Variants in TMED3 observed in about 807,000 individuals in gnomAD.
TMED3 encodes transmembrane emp24 domain-containing protein 3.
In TMED3, 9 loss-of-function variants were observed where a neutral mutation model predicts 15.0. The ratio of observed to expected loss-of-function variants is 0.60; its 90% confidence interval spans 0.36 to 1.04. The LOEUF (loss-of-function observed/expected upper bound fraction) is 1.04. Ranked by LOEUF, TMED3 falls within the 50% of genes least tolerant of loss-of-function variation. The pLI is 0.01. For missense variants in TMED3, 267 were observed against 278.9 expected (o/e 0.96, Z 0.30); for synonymous variants, 117 against 121.4 (o/e 0.96, Z 0.24).
downstream of TMED3, among the ~76,000 whole-genome samples, chr15:79,326,200 C>G (rs964502717): frequency 4.6e-5 from 7 of 152,188 alleles, no homozygotes; most frequent in Middle Eastern, 3.4e-3. Context: ...TAAAACAGCT[C>G]GAAGACACTG....
chr15:79,350,951 G>A (rs2058889181), intron 2 of TMED3, among the ~76,000 whole-genome samples: 1 of 152,154 alleles, frequency 6.6e-6, no homozygotes, highest in South Asian at 2.1e-4. Context: ...CAGGCACCTG[G>A]TCAAATTAGA....
At chr15:79,411,159 C>T (rs976613424) in intron 2 of TMED3, among the ~76,000 whole-genome samples, 4 of 152,154 alleles carry the variant, frequency 2.6e-5, no homozygotes, top group Admixed American at 2.6e-4. Flanking sequence ...AGGGGAAAAA[C>T]AGGAACTAGA....
downstream of TMED3, among the ~76,000 whole-genome samples, chr15:79,323,960 A>G (rs552398730): frequency 1.2e-4 from 19 of 152,348 alleles, no homozygotes; most frequent in African/African-American, 4.6e-4. Context: ...TTAGGTACTA[A>G]TAACAGTTGA....
At chr15:79,350,017 T>G (rs2058885887) in intron 2 of TMED3, among the ~76,000 whole-genome samples, 1 of 152,180 alleles carries the variant, frequency 6.6e-6, no homozygotes, top group Non-Finnish European at 1.5e-5. Flanking sequence ...TTCCTTCCAG[T>G]AGAACATAAA....
chr15:79,334,072 A>G (rs888789590), intron 2 of TMED3, among the ~76,000 whole-genome samples: 3 of 152,220 alleles, frequency 2.0e-5, no homozygotes, highest in African/African-American at 7.2e-5. Context: ...TAGAACTAAT[A>G]GCTTAAGAGT....
At chr15:79,314,790 A>C (rs1321691946) in intron 2 of TMED3, 1 of 268,082 alleles carries the variant, frequency 3.7e-6, no homozygotes, top group African/African-American at 2.2e-5. Context: ...ATGGCTGTCA[A>C]GGTTCATTAT....
chr15:79,360,412 T>C (rs557980162), intron 2 of TMED3, among the ~76,000 whole-genome samples: 1 of 152,342 alleles, frequency 6.6e-6, no homozygotes, highest in Admixed American at 6.5e-5. Flanking sequence ...GTCACATAGC[T>C]ACTGTCTTCT....
chr15:79,317,009 C>A (rs1303464803), intron 2 of TMED3, among the ~76,000 whole-genome samples: 1 of 151,970 alleles, frequency 6.6e-6, no homozygotes, highest in African/African-American at 2.4e-5. Context: ...AGCTGTGATT[C>A]TTGGGGATGA....
chr15:79,370,256 ATTTTTTTTTTTTT>A (rs398028085), intron 2 of TMED3, among the ~76,000 whole-genome samples: 1 of 104,950 alleles, frequency 9.5e-6, no homozygotes, highest in Admixed American at 1.2e-4. Flanking sequence ...TGCCCAGCTA[ATTTTTTTTTTTTT>A]TTTTTTTTTT....
intron 2 of TMED3, chr15:79,383,128 T>C: frequency 9.2e-7 from 1 of 1,088,514 alleles, no homozygotes; most frequent in Admixed American, 2.0e-5. Context: ...TTTACTGCCA[T>C]GGTGCACTTC....
chr15:79,314,993 C>A (rs1408836921), intron 2 of TMED3, among the ~76,000 whole-genome samples: 4 of 152,148 alleles, frequency 2.6e-5, no homozygotes, highest in African/African-American at 9.7e-5. Flanking sequence ...CTGTCAGGGC[C>A]CAGGGAAACC....
chr15:79,389,081 C>G (rs1567038549), intron 2 of TMED3, among the ~76,000 whole-genome samples: 1 of 152,150 alleles, frequency 6.6e-6, no homozygotes, highest in South Asian at 2.1e-4. Flanking sequence ...TGTGCAAAAG[C>G]TATTTAGTTT....
At chr15:79,397,128 C>G (rs1275720410) in intron 2 of TMED3, among the ~76,000 whole-genome samples, 1 of 152,202 alleles carries the variant, frequency 6.6e-6, no homozygotes, top group Non-Finnish European at 1.5e-5. Context: ...CTTAGCACCT[C>G]TCAACTCACT....
intron 2 of TMED3, among the ~76,000 whole-genome samples, chr15:79,332,058 T>C (rs1228961957): frequency 7.9e-6 from 1 of 126,736 alleles, no homozygotes; most frequent in African/African-American, 2.9e-5. Flanking sequence ...GTCTCAAAAA[T>C]AAATAAATAC....
At chr15:79,350,651 G>T (rs1159742023) in intron 2 of TMED3, among the ~76,000 whole-genome samples, 2 of 152,126 alleles carry the variant, frequency 1.3e-5, no homozygotes, top group African/African-American at 2.4e-5. Flanking sequence ...GCCTGTCCCA[G>T]TTCACAGACT....
intron 2 of TMED3, among the ~76,000 whole-genome samples, chr15:79,367,346 C>T (rs1437807281): frequency 6.6e-6 from 1 of 152,220 alleles, no homozygotes; most frequent in Non-Finnish European, 1.5e-5. Context: ...CAGCGATCCA[C>T]ACTGGGTTTG....
At position 79,389,878 on chromosome 15, in the gene TMED3, G is replaced by A. The variant is rs149553424; in HGVS notation, c.418-21522G>A. On this transcript the variant is annotated intron_variant, in intron 2 of 2. Transcript: ENST00000424155. ...ATAAAAGGGGTTGAGTTCTTGATTC[G>A]ATTCTCCACTTGGTTGCTGTTGGTG... Among the ~76,000 whole-genome samples the A allele has an allele frequency of 7.9e-3, 1,209 of 152,108 alleles. 10 individuals carry two copies. The highest frequency in any genetic ancestry group is 0.011 in the Non-Finnish European group (771 of 67,946).
At chr15:79,334,099 T>C (rs2058819198) in intron 2 of TMED3, among the ~76,000 whole-genome samples, 1 of 152,138 alleles carries the variant, frequency 6.6e-6, no homozygotes, top group African/African-American at 2.4e-5. Flanking sequence ...TCTAAACTAA[T>C]TATCTTGGGC....
intron 2 of TMED3, among the ~76,000 whole-genome samples, chr15:79,371,969 A>C (rs2141245537): frequency 6.6e-6 from 1 of 152,344 alleles, no homozygotes. Context: ...CTGAACAAGA[A>C]GGGGTATCAG....
Sources: gnomAD v4.1 joint callset for allele counts (sites outside exome capture counted in the v4.1 genomes callset) on GRCh38, gnomAD v4.1.1 for gene constraint, MANE v1.5 for transcripts, NCBI Gene and HGNC (gene_info 2026-07-23, HGNC 2026-07-21) for gene names.